Variants in NF1 observed in about 807,000 individuals in gnomAD.
The protein encoded by NF1 is neurofibromin.
NF1 carries 122 observed loss-of-function variants against 325.7 expected under a neutral mutation model. The ratio of observed to expected loss-of-function variants is 0.37; its 90% confidence interval spans 0.32 to 0.44. NF1 has a LOEUF of 0.44. NF1 is among the 20% of genes least tolerant of loss of function. NF1 has a pLI of 1.00. For synonymous variants in NF1, 1,091 were observed against 1,186.0 expected (o/e 0.92, Z 1.65); for missense variants, 2,140 against 3,415.4 (o/e 0.63, Z 9.31).
chr17:31,118,372 A>T (rs1036856753), intron 1 of NF1, among the ~76,000 whole-genome samples: 1 of 151,344 alleles, frequency 6.6e-6, no homozygotes, highest in Admixed American at 6.6e-5. Flanking sequence ...TACTCGTGCC[A>T]TGGTGGTTTG....
intron 1 of NF1, among the ~76,000 whole-genome samples, chr17:31,142,664 G>A (rs1209720379): frequency 6.6e-6 from 1 of 152,014 alleles, no homozygotes; most frequent in African/African-American, 2.4e-5. Context: ...TCAGGAGTTC[G>A]AGACCATCCT....
chr17:31,095,418 A>G, intron 1 of NF1, 49 bp downstream of exon 1: 2 of 1,518,082 alleles, frequency 1.3e-6, no homozygotes, highest in Non-Finnish European at 1.8e-6. Context: ...GGGGGTGGGG[A>G]CAGAGTAGGT....
At chr17:31,261,966 T>C (rs2067694177) in intron 35 of NF1, 109 bp downstream of exon 35, 1 of 1,073,910 alleles carries the variant, frequency 9.3e-7, no homozygotes, top group South Asian at 1.4e-5. Context: ...AAAGATGTAT[T>C]TAATAATCAC....
intron 57 of NF1, among the ~76,000 whole-genome samples, chr17:31,368,954 T>A (rs1320062962): frequency 1.3e-5 from 2 of 152,224 alleles, no homozygotes; most frequent in African/African-American, 4.8e-5. Flanking sequence ...CAGAGTAAGG[T>A]AACCTACTAG....
At chr17:31,144,427 T>C (rs1916449249) in intron 1 of NF1, among the ~76,000 whole-genome samples, 1 of 152,216 alleles carries the variant, frequency 6.6e-6, no homozygotes, top group Admixed American at 6.5e-5. Flanking sequence ...TGCTGTATAA[T>C]AAGCTACTCC....
intron 1 of NF1, among the ~76,000 whole-genome samples, chr17:31,124,500 A>G (rs543603995): frequency 4.1e-5 from 6 of 145,648 alleles, no homozygotes; most frequent in Non-Finnish European, 7.5e-5. Context: ...ATAGAGGAAC[A>G]CTTAATTTGT....
At chr17:31,358,747 C>A in intron 55 of NF1, 125 bp downstream of exon 55, 1 of 1,328,142 alleles carries the variant, frequency 7.5e-7, no homozygotes, top group East Asian at 2.4e-5. Context: ...TTCCATATTC[C>A]ATTTTTTTAC....
chr17:31,141,293 A>G (rs1916195119), intron 1 of NF1, among the ~76,000 whole-genome samples: 1 of 151,838 alleles, frequency 6.6e-6, no homozygotes, highest in South Asian at 2.1e-4. Flanking sequence ...CCTGACACAT[A>G]GAAGGTGTTA....
At chr17:31,171,687 C>A (rs947327622) in intron 5 of NF1, among the ~76,000 whole-genome samples, 1 of 151,840 alleles carries the variant, frequency 6.6e-6, no homozygotes, top group Non-Finnish European at 1.5e-5. Context: ...AGTATAAAAC[C>A]GATATTAAAT....
chr17:31,147,728 T>G (rs1437800676), intron 1 of NF1, among the ~76,000 whole-genome samples: 19 of 152,208 alleles, frequency 1.2e-4, no homozygotes, highest in Non-Finnish European at 1.8e-4. Context: ...CACTGAGAAC[T>G]GTATTTACTA....
intron 39 of NF1, among the ~76,000 whole-genome samples, chr17:31,334,082 T>C (rs763407915): frequency 3.6e-4 from 54 of 152,070 alleles, no homozygotes; most frequent in Non-Finnish European, 6.3e-4. Flanking sequence ...GTCAGGAGAT[T>C]GAGACCATCC....
At chr17:31,225,719 T>C (rs1251403093) in intron 17 of NF1, among the ~76,000 whole-genome samples, 1 of 152,192 alleles carries the variant, frequency 6.6e-6, no homozygotes, top group Non-Finnish European at 1.5e-5. Flanking sequence ...TAAATATAAA[T>C]CATATTTCAA....
chr17:31,194,788 C>G (rs1331259098), intron 8 of NF1, among the ~76,000 whole-genome samples: 1 of 152,074 alleles, frequency 6.6e-6, no homozygotes, highest in Non-Finnish European at 1.5e-5. Context: ...ATTTGGAAAT[C>G]TTTACTTTTA....
At chr17:31,219,143 T>A (rs1376334479) in intron 14 of NF1, 25 bp downstream of exon 14, 2 of 1,605,206 alleles carry the variant, frequency 1.2e-6, no homozygotes, top group Admixed American at 1.7e-5. Flanking sequence ...AATTCCATGT[T>A]CTTGAAGGAA....
chr17:31,182,575 T>G lies in NF1; in HGVS notation c.798T>G (p.Val266=). The G allele has an allele frequency of 6.2e-7, 1 of 1,614,092 alleles. No homozygotes were observed. Among genetic ancestry groups the G allele is most frequent in the Non-Finnish European group, 8.5e-7 (1 of 1,179,956 alleles). ...AAAGCACCAAACGTAAAGCAGCAGTTTGGCCACTACAAATCATTCTCCTTA... is the reference window on the plus strand; with the variant it reads ...AAAGCACCAAACGTAAAGCAGCAGTGTGGCCACTACAAATCATTCTCCTTA... ...FAESTKRKAA[V]WPLQIILLIL... Residue 266 remains valine (V), a synonymous_variant, in exon 8 of 58, where the codon GTT becomes GTG. Transcript: ENST00000358273.
At chr17:31,354,078 A>G (rs2070214560) in intron 51 of NF1, among the ~76,000 whole-genome samples, 1 of 152,240 alleles carries the variant, frequency 6.6e-6, no homozygotes, top group African/African-American at 2.4e-5. Flanking sequence ...ACCTCAGAAA[A>G]AAATATATTG....
At chr17:31,182,362 A>G (rs1170281223) in intron 7 of NF1, 146 bp from the exon 8 acceptor site, 1 of 695,238 alleles carries the variant, frequency 1.4e-6, no homozygotes, top group Non-Finnish European at 2.5e-6. Context: ...ACTTACCAGA[A>G]TGCATTTGTG....
At chr17:31,209,776 C>T (rs746406853) in intron 12 of NF1, among the ~76,000 whole-genome samples, 2 of 152,108 alleles carry the variant, frequency 1.3e-5, no homozygotes, top group African/African-American at 2.4e-5. Context: ...CTTTAGCCTC[C>T]CGACTAGCTG....
intron 1 of NF1, chr17:31,138,610 T>C (rs1438790382): frequency 2.6e-5 from 4 of 151,886 alleles, no homozygotes; most frequent in African/African-American, 9.7e-5. Context: ...TTTTTTTTTT[T>C]TGAGTCAGCG....
Sources: allele counts gnomAD v4.1 joint callset (sites outside exome capture counted in the v4.1 genomes callset), GRCh38; gene constraint gnomAD v4.1.1; transcripts MANE v1.5; gene names NCBI Gene and HGNC (gene_info 2026-07-23, HGNC 2026-07-21).